TRIP13: variants seen among roughly 807,000 people sequenced by gnomAD.
TRIP13 encodes the protein thyroid hormone receptor interactor 13, also known as pachytene checkpoint protein 2 homolog.
A neutral mutation model predicts 54.4 loss-of-function variants in TRIP13; 25 were observed. The ratio of observed to expected loss-of-function variants is 0.46; its 90% CI spans 0.33 to 0.64. TRIP13 has a LOEUF of 0.64. TRIP13 is among the 30% of genes least tolerant of loss of function. TRIP13 has a pLI of 0.02. For missense variants in TRIP13, 373 were observed against 534.2 expected (o/e 0.70, Z 2.97); for synonymous variants, 207 against 207.8 (o/e 1.00, Z 0.03).
At chr5:896,867 C>CGG (rs369578570) in intron 3 of TRIP13, 73 bp downstream of exon 3, 2 of 1,481,342 alleles carry the variant, frequency 1.4e-6, no homozygotes, top group African/African-American at 2.9e-5. Flanking sequence ...TGTCAGTTCA[C>CGG]AGGGGGGGTT....
chr5:893,124 A>AGCCCCCCCCCCCCCCCCCCCCC, intron 1 of TRIP13, 34 bp downstream of exon 1: 1 of 1,516,712 alleles, frequency 6.6e-7, no homozygotes, highest in Non-Finnish European at 8.8e-7. Context: ...TCCTCTGGGC[A>AGCCCCCCCCCCCCCCCCCCCCC]CCCACCCGCC....
downstream of TRIP13, chr5:919,224 A>G (rs1255529619): frequency 6.6e-6 from 1 of 152,244 alleles, no homozygotes; most frequent in African/African-American, 2.4e-5. Flanking sequence ...CACCAAGGTC[A>G]TGGAGGTCAG....
chr5:917,191 C>T lies in TRIP13; in HGVS notation c.*88C>T, dbSNP rs959830533. The T allele has an allele frequency of 3.8e-6, 5 of 1,323,386 alleles. No individual in the cohort carries two copies. Among genetic ancestry groups the T allele is most frequent in the Non-Finnish European group, 3.2e-6 (3 of 950,312 alleles). 82.0% of individuals were successfully genotyped at this position (1,323,386 alleles called of 1,614,324 possible). A position where few individuals can be genotyped will look rare whatever the true frequency, so the allele number is the denominator to read the frequency against. ...CCCACACAGCCGTCTCCCAGGGAAT[C>T]CCTTCTGCAAACCAAACGTTACTTA... On this transcript the variant is annotated 3_prime_UTR_variant, in exon 13 of 13. Transcript: ENST00000166345.
intron 1 of TRIP13, among the ~76,000 whole-genome samples, chr5:894,316 G>A (rs1753835396): frequency 6.6e-6 from 1 of 152,120 alleles, no homozygotes; most frequent in Non-Finnish European, 1.5e-5. Flanking sequence ...ACTGCAGCAA[G>A]GGGGACCAAG....
chr5:900,901 G>T (rs1753972677), intron 4 of TRIP13, among the ~76,000 whole-genome samples: 1 of 152,226 alleles, frequency 6.6e-6, no homozygotes. Flanking sequence ...TCCCATGCCA[G>T]CAGCTGGCTA....
At position 893,101 on chromosome 5, in the gene TRIP13, C is replaced by G. The variant is rs201469092; in HGVS notation, c.92+11C>G. 54 of 1,581,950 alleles carry G rather than the reference C, an allele frequency of 3.4e-5. No individual in the cohort carries two copies. Among genetic ancestry groups the G allele is most frequent in the Admixed American group, 8.8e-5 (5 of 56,826 alleles). On this transcript the variant is annotated intron_variant, in intron 1 of 12. Coordinates refer to ENST00000166345, the MANE Select transcript of TRIP13 (RefSeq NM_004237.4). ...TCAGCGCGGCAGCAGGTGAGCCGGA[C>G]CTGTCCGACACATCCTCTGGGCACC...
In TRIP13 at chr5:913,744, A is replaced by G. The variant is rs187057026; in HGVS notation, c.1021-721A>G. Among the ~76,000 whole-genome samples, 5 of 152,322 alleles carry G rather than the reference A, an allele frequency of 3.3e-5. No homozygotes were observed. Among genetic ancestry groups the G allele is most frequent in the East Asian group, 1.9e-4 (1 of 5,188 alleles). On this transcript the variant is annotated intron_variant, in intron 10 of 12. Transcript: ENST00000166345. The surrounding 1 kb of genome is among the most constrained non-coding windows in gnomAD (Gnocchi z 4.5). ...ATATTGAACTGGTCTCGAAAGCTCA[A>G]TATCCCCCAAAGCACAAGCACAAAC...
intron 2 of TRIP13, among the ~76,000 whole-genome samples, chr5:895,974 C>A (rs1050313836): frequency 6.6e-6 from 1 of 152,164 alleles, no homozygotes. Context: ...TTTCTATCTA[C>A]CAATGTAAAC....
At chr5:905,969 G>C (rs767122912) in intron 6 of TRIP13, among the ~76,000 whole-genome samples, 4 of 152,136 alleles carry the variant, frequency 2.6e-5, no homozygotes, top group Non-Finnish European at 5.9e-5. Flanking sequence ...TAATCCCAGC[G>C]CTTTGGGAGG....
downstream of TRIP13, chr5:918,217 G>A (rs1286663245): frequency 6.6e-6 from 1 of 152,218 alleles, no homozygotes; most frequent in Non-Finnish European, 1.5e-5. This position sits in a 1 kb window ranked among gnomAD's most constrained non-coding sequence, Gnocchi z 4.3. Flanking sequence ...AGATTCAGGA[G>A]GTAGATCACC....
At chr5:909,763 G>A (rs557891783) in intron 9 of TRIP13, among the ~76,000 whole-genome samples, 59 of 152,358 alleles carry the variant, frequency 3.9e-4, no homozygotes, top group Non-Finnish European at 6.6e-4. Context: ...TACGGGAAAC[G>A]AAGGGATAGG....
In TRIP13 at chr5:908,883, G is replaced by A. The variant is rs942938776; in HGVS notation, c.866+422G>A. The stretch of plus-strand genomic sequence containing the variant: ...TGAGGCAGGAGAATGGTGTGAACCC[G>A]GGAGGCAGAACTTGCAGTGAGCCGA... On this transcript the variant is annotated intron_variant, in intron 9 of 12. Transcript: ENST00000166345. The surrounding 1 kb of genome is among the most constrained non-coding windows in gnomAD (Gnocchi z 5.2). 2.2e-5 allele frequency: 4 copies of A among 184,506 alleles called. No individual in the cohort carries two copies. Among genetic ancestry groups the A allele is most frequent in the South Asian group, 1.2e-4 (1 of 8,164 alleles). The allele number at this position is 184,506 out of a possible 1,614,324, so 11.4% of individuals were successfully genotyped here.
intron 11 of TRIP13, among the ~76,000 whole-genome samples, chr5:914,838 C>G (rs1217783884): frequency 6.6e-6 from 1 of 152,158 alleles, no homozygotes. Flanking sequence ...GCCTGCAACC[C>G]TACGGCTGAC....
At chr5:909,866 C>G (rs1042618031) in intron 9 of TRIP13, among the ~76,000 whole-genome samples, 2 of 152,248 alleles carry the variant, frequency 1.3e-5, no homozygotes, top group African/African-American at 4.8e-5. Flanking sequence ...GGCTTAAGAA[C>G]GCCTTTAAGC....
chr5:896,880 G>A (rs1392522570), intron 3 of TRIP13, 86 bp downstream of exon 3: 3 of 1,421,728 alleles, frequency 2.1e-6, no homozygotes, highest in African/African-American at 2.9e-5. Context: ...GGGGGGTTCT[G>A]TTTGTCCATT....
chr5:893,142 C>T, intron 1 of TRIP13, 52 bp downstream of exon 1: 3 of 1,489,686 alleles, frequency 2.0e-6, no homozygotes, highest in Non-Finnish European at 2.7e-6. Flanking sequence ...GCCCCGACCC[C>T]AGCGCGTGCA....
chr5:904,099 T>C (rs548861918), intron 5 of TRIP13, 49 bp from the exon 6 acceptor site: 1 of 1,542,012 alleles, frequency 6.5e-7, no homozygotes, highest in South Asian at 1.2e-5. Context: ...TTTAAGAAAT[T>C]TGTTGTAGCA....
Position 908,686 on chromosome 5 carries a change from C to T in TRIP13, c.866+225C>T, listed in dbSNP as rs529445308. On this transcript the variant is annotated intron_variant, in intron 9 of 12. Transcript: ENST00000166345. This position sits in a 1 kb window ranked among gnomAD's most constrained non-coding sequence, Gnocchi z 5.2. ...TAAAAATGTAATAGAAGGCCAGGCG[C>T]GGTGGCTCACACCTGTAATCCCAGC... 2.8e-5 allele frequency: 37 copies of T among 1,308,520 alleles called. No homozygotes were observed. The highest frequency in any genetic ancestry group is 3.1e-5 in the South Asian group (2 of 65,350). 81.1% of individuals were successfully genotyped at this position (1,308,520 alleles called of 1,614,324 possible). A position where few individuals can be genotyped will look rare whatever the true frequency, so the allele number is the denominator to read the frequency against.
In TRIP13 at chr5:901,445, G is replaced by T; in HGVS notation, c.535+14G>T. 1 of 1,612,812 alleles carries T rather than the reference G, an allele frequency of 6.2e-7. No homozygotes were observed. Among genetic ancestry groups the T allele is most frequent in the Non-Finnish European group, 8.5e-7 (1 of 1,179,310 alleles). Reference sequence around the variant, plus strand: ...TGCTGCTCCACGGTAAATTATGCAGGCTTTTATTTGACCAGATAAGTGGCA... The same window carrying T: ...TGCTGCTCCACGGTAAATTATGCAGTCTTTTATTTGACCAGATAAGTGGCA... On this transcript the variant is annotated intron_variant, in intron 5 of 12. Transcript: ENST00000166345.
Sources: allele counts gnomAD v4.1 joint callset (sites outside exome capture counted in the v4.1 genomes callset), GRCh38; gene constraint gnomAD v4.1.1; non-coding constraint Gnocchi (gnomAD v3.1); transcripts MANE v1.5; gene names NCBI Gene and HGNC (gene_info 2026-07-23, HGNC 2026-07-21).